The following CDH4 variants were observed in gnomAD, a reference collection of about 807,000 sequenced individuals.
CDH4 encodes cadherin-4.
A neutral mutation model predicts 86.0 loss-of-function variants in CDH4; 33 were observed. The observed-to-expected ratio is 0.38, with a 90% CI of 0.29 to 0.51. CDH4 has a LOEUF of 0.51. CDH4 is among the 20% of genes least tolerant of loss of function. The pLI, the probability that CDH4 is intolerant of heterozygous loss-of-function variation, is 0.86. For synonymous variants in CDH4, 555 were observed against 549.4 expected, an observed-to-expected ratio of 1.01 and a Z score of -0.14; for missense variants, 1,114 against 1,307.4, an observed-to-expected ratio of 0.85 and a Z score of 2.28.
intron 2 of CDH4, among the ~76,000 whole-genome samples, chr20:61,273,257 G>A: frequency 7.4e-6 from 1 of 134,424 alleles, no homozygotes; most frequent in African/African-American, 2.9e-5. Context: ...GCAGTTTAGG[G>A]GAGTACCGTG....
chr20:61,499,273 GGGCACA>G (rs1345316672), intron 2 of CDH4: 2 of 170,408 alleles, frequency 1.2e-5, no homozygotes, highest in African/African-American at 4.8e-5. Context: ...TCTGGGTTGG[GGGCACA>G]GCCCCGGACC....
At chr20:61,529,817 C>T (rs2085938526) in intron 2 of CDH4, among the ~76,000 whole-genome samples, 1 of 152,116 alleles carries the variant, frequency 6.6e-6, no homozygotes, top group African/African-American at 2.4e-5. Context: ...GGGTGGAACA[C>T]ACTCATCAGT....
At chr20:61,724,604 G>A (rs6142839) in intron 2 of CDH4, among the ~76,000 whole-genome samples, 49,674 of 151,770 alleles carry the variant, frequency 0.33, 9,217 homozygotes, top group South Asian at 0.43. Context: ...CTGCCCCTTC[G>A]CCCCGACCCC....
intron 7 of CDH4, among the ~76,000 whole-genome samples, chr20:61,888,976 C>G (rs926974249): frequency 1.3e-5 from 2 of 152,178 alleles, no homozygotes; most frequent in Admixed American, 6.5e-5. Flanking sequence ...CAGGAACATG[C>G]TTTTTTATTG....
At chr20:61,457,560 G>A (rs889087195) in intron 2 of CDH4, among the ~76,000 whole-genome samples, 5 of 152,102 alleles carry the variant, frequency 3.3e-5, no homozygotes, top group African/African-American at 1.2e-4. Flanking sequence ...TGATGATGGT[G>A]ATGCTGATGG....
At chr20:61,892,170 G>A (rs1033488143) in intron 7 of CDH4, among the ~76,000 whole-genome samples, 2 of 152,240 alleles carry the variant, frequency 1.3e-5, no homozygotes, top group Non-Finnish European at 2.9e-5. Flanking sequence ...TTGCTGTCAT[G>A]TATAAGTTGG....
At chr20:61,334,321 T>A (rs2084604997) in intron 2 of CDH4, among the ~76,000 whole-genome samples, 1 of 152,146 alleles carries the variant, frequency 6.6e-6, no homozygotes, top group Non-Finnish European at 1.5e-5. Flanking sequence ...GTGAGCTGGT[T>A]TTCCTTGTTT....
intron 3 of CDH4, among the ~76,000 whole-genome samples, chr20:61,744,247 A>T (rs183919965): frequency 1.3e-5 from 2 of 152,180 alleles, no homozygotes; most frequent in Non-Finnish European, 2.9e-5. Context: ...GGAGAGAATA[A>T]CAGAGAGGAA....
chr20:61,903,375 G>A (rs558281977), intron 8 of CDH4, among the ~76,000 whole-genome samples: 303 of 151,952 alleles, frequency 2.0e-3, no homozygotes, highest in Middle Eastern at 0.014. Context: ...GTGAAACCCC[G>A]TCTCTACAAA....
At chr20:61,500,665 AGGTAG>A (rs1403882026) in intron 2 of CDH4, among the ~76,000 whole-genome samples, 1 of 152,260 alleles carries the variant, frequency 6.6e-6, no homozygotes, top group Non-Finnish European at 1.5e-5. Context: ...TATCATAAGA[AGGTAG>A]GGCTGTGTGA....
rs144557274 is a variant in CDH4 at position 61,636,460 on chromosome 20, T to C, written c.170-107103T>C. 4.6e-3 allele frequency among the ~76,000 whole-genome samples: 706 copies of C among 152,390 alleles called. 4 individuals carry two copies. The highest frequency in any genetic ancestry group is 0.016 in the African/African-American group (668 of 41,598). On this transcript the variant is annotated intron_variant, in intron 2 of 15. Coordinates refer to ENST00000614565, the MANE Select transcript of CDH4 (RefSeq NM_001794.5). ...GTGATTTTTAAATGAGGATCTTTGC[T>C]TGAATAATTCGTTTTATCATTTACC...
rs1010166044 is a variant in CDH4, at chr20:61,807,324, G to C, written c.576+34142G>C. Among the ~76,000 whole-genome samples, 1 of 152,246 alleles carries C rather than the reference G, an allele frequency of 6.6e-6. No homozygotes were observed. The highest frequency in any genetic ancestry group is 2.4e-5 in the African/African-American group (1 of 41,470). ...CCAGACCCAGCCTTGCTGTGGCCCC[G>C]CTGGGGTCTTTGGATCTCAGGAGAG... On this transcript the variant is annotated intron_variant, in intron 4 of 15. Transcript: ENST00000614565. This position sits in a 1 kb window ranked among gnomAD's most constrained non-coding sequence, Gnocchi z 4.5.
chr20:61,484,351 C>A (rs948387085), intron 2 of CDH4, among the ~76,000 whole-genome samples: 1 of 152,216 alleles, frequency 6.6e-6, no homozygotes, highest in Non-Finnish European at 1.5e-5. Flanking sequence ...CCCACTTTCT[C>A]CCTAAAGCCT....
At chr20:61,451,619 G>A (rs572607802) in intron 2 of CDH4, among the ~76,000 whole-genome samples, 237 of 152,208 alleles carry the variant, frequency 1.6e-3, no homozygotes, top group Non-Finnish European at 2.4e-3. Context: ...GAGAGTCTAT[G>A]TGGACATACC....
At chr20:61,837,194 A>G (rs1981922459) in intron 4 of CDH4, among the ~76,000 whole-genome samples, 1 of 152,308 alleles carries the variant, frequency 6.6e-6, no homozygotes, top group East Asian at 1.9e-4. Flanking sequence ...CCCTGTCTCA[A>G]AAAAAACGGG....
chr20:61,417,400 A>G lies in CDH4; in HGVS notation c.169+162463A>G, dbSNP rs1186322241. Among the ~76,000 whole-genome samples, 1 of 151,716 alleles carries G rather than the reference A, an allele frequency of 6.6e-6. No individual in the cohort carries two copies. Among genetic ancestry groups the G allele is most frequent in the Non-Finnish European group, 1.5e-5 (1 of 67,972 alleles). ...ACCAGCAAACCTGCTGAGGTCACCT[A>G]TTCCACCTTGAGCCAGCTGTGGGGT... On this transcript the variant is annotated intron_variant, in intron 2 of 15. Transcript: ENST00000614565. The surrounding 1 kb of genome is among the most constrained non-coding windows in gnomAD (Gnocchi z 4.0).
intron 2 of CDH4, among the ~76,000 whole-genome samples, chr20:61,415,545 C>A (rs1034396227): frequency 1.3e-5 from 2 of 152,106 alleles, no homozygotes; most frequent in South Asian, 2.1e-4. Flanking sequence ...CACTCTCCCC[C>A]GCCCCTGGCC....
chr20:61,900,068 G>T (rs1202199307), intron 8 of CDH4, among the ~76,000 whole-genome samples: 3 of 152,126 alleles, frequency 2.0e-5, no homozygotes, highest in Non-Finnish European at 4.4e-5. Context: ...AAGAAGGGCA[G>T]CCCCAGCTCT....
intron 6 of CDH4, among the ~76,000 whole-genome samples, chr20:61,865,765 G>A (rs1446648614): frequency 6.6e-6 from 1 of 151,278 alleles, no homozygotes; most frequent in East Asian, 2.0e-4. Flanking sequence ...TGACTGGTTA[G>A]TGTATGTAAT....
Sources: allele counts gnomAD v4.1 joint callset (sites outside exome capture counted in the v4.1 genomes callset), GRCh38; gene constraint gnomAD v4.1.1; non-coding constraint Gnocchi (gnomAD v3.1); transcripts MANE v1.5; gene names NCBI Gene and HGNC (gene_info 2026-07-23, HGNC 2026-07-21).